GABRA2: variants seen among roughly 807,000 people sequenced by gnomAD.
The protein encoded by GABRA2 is gamma-aminobutyric acid type A receptor subunit alpha2.
A neutral mutation model predicts 48.7 loss-of-function variants in GABRA2; 16 were observed. That is an observed-to-expected ratio of 0.33 (90% CI 0.22 to 0.50). The LOEUF (loss-of-function observed/expected upper bound fraction) is 0.50. Among genes scored for constraint, GABRA2 ranks in the 20% least tolerant of loss-of-function variants. The pLI is 0.98. For synonymous variants in GABRA2, 185 were observed against 184.5 expected, an observed-to-expected ratio of 1.00 and a Z score of -0.02; for missense variants, 275 against 535.6, an observed-to-expected ratio of 0.51 and a Z score of 4.80.
intron 8 of GABRA2, among the ~76,000 whole-genome samples, chr4:46,270,827 T>C (rs1381386669): frequency 1.3e-5 from 2 of 151,740 alleles, no homozygotes; most frequent in Middle Eastern, 3.2e-3. Context: ...TGGGTAAAAA[T>C]ACACGCTGAG....
At chr4:46,333,218 TA>T (rs948229228) in intron 3 of GABRA2, among the ~76,000 whole-genome samples, 9 of 151,984 alleles carry the variant, frequency 5.9e-5, no homozygotes, top group African/African-American at 2.2e-4. Flanking sequence ...GACATAAAAA[TA>T]AAAAATAACA....
At chr4:46,266,419 TTGAG>T (rs1313539330) in intron 8 of GABRA2, among the ~76,000 whole-genome samples, 1 of 149,820 alleles carries the variant, frequency 6.7e-6, no homozygotes, top group Non-Finnish European at 1.5e-5. Flanking sequence ...TAATTCTTGG[TTGAG>T]TATTTTTCTT....
Position 46,310,177 on chromosome 4 carries a change from G to C in GABRA2, c.555C>G (p.Gly185=), listed in dbSNP as rs1578000907. Residue 185 remains glycine (G), a synonymous_variant, in exon 6 of 10, where the codon GGC becomes GGG. Transcript: ENST00000381620. ...MDAHSCPLKF[G]SYAYTTSEVT... ...TAACTTCATCCCTGTACTTACAGCT[G>C]CCAAATTTCAGAGGACATGAATGAG... 6.2e-7 allele frequency: 1 copy of C among 1,611,898 alleles called. No individual in the cohort carries two copies. Among genetic ancestry groups the C allele is most frequent in the East Asian group, 2.2e-5 (1 of 44,818 alleles).
chr4:46,334,397 A>G (rs1457386079), intron 3 of GABRA2, among the ~76,000 whole-genome samples: 2 of 152,158 alleles, frequency 1.3e-5, no homozygotes, highest in East Asian at 3.9e-4. Flanking sequence ...CAAATTAATC[A>G]CACTATTACA....
chr4:46,289,361 C>G (rs1039581239), intron 8 of GABRA2, among the ~76,000 whole-genome samples: 1 of 152,132 alleles, frequency 6.6e-6, no homozygotes, highest in African/African-American at 2.4e-5. Context: ...TGGAATACTA[C>G]GCAGCTATAA....
chr4:46,389,414 G>C (rs1174294143), intron 1 of GABRA2: 4 of 985,312 alleles, frequency 4.1e-6, no homozygotes, highest in South Asian at 9.4e-5. Context: ...CACAATAAGA[G>C]AAGGCGCGTG....
chr4:46,246,299 T>A lies in GABRA2; in HGVS notation c.*4009A>T, dbSNP rs1713703645. 2.0e-5 allele frequency among the ~76,000 whole-genome samples: 3 copies of A among 151,004 alleles called. No individual in the cohort carries two copies. The highest frequency in any genetic ancestry group is 6.6e-5 in the Admixed American group (1 of 15,080). On this transcript the variant is annotated 3_prime_UTR_variant, in exon 10 of 10. Transcript: ENST00000381620. The stretch of plus-strand genomic sequence containing the variant: ...AAAATATTAATATCTTTAATATAAA[T>A]TTTAACAGCAAAATATTATGGATAT...
chr4:46,253,245 C>T (rs904024059), intron 9 of GABRA2, among the ~76,000 whole-genome samples: 1 of 151,386 alleles, frequency 6.6e-6, no homozygotes, highest in African/African-American at 2.4e-5. Flanking sequence ...TTGCCCCTCA[C>T]TTGAATACCC....
At chr4:46,275,944 C>G (rs1179213663) in intron 8 of GABRA2, among the ~76,000 whole-genome samples, 1 of 151,926 alleles carries the variant, frequency 6.6e-6, no homozygotes, top group Non-Finnish European at 1.5e-5. Flanking sequence ...AAAATGCACT[C>G]AAAATTTGGC....
chr4:46,330,575 T>TAG (rs1453956131), intron 4 of GABRA2, among the ~76,000 whole-genome samples: 1 of 90,246 alleles, frequency 1.1e-5, no homozygotes, highest in Non-Finnish European at 2.5e-5. Context: ...TATATATATA[T>TAG]ATATATATAT....
chr4:46,336,101 G>T (rs1283223701), intron 3 of GABRA2, among the ~76,000 whole-genome samples: 2 of 152,116 alleles, frequency 1.3e-5, no homozygotes, highest in Non-Finnish European at 2.9e-5. Flanking sequence ...CACTATTTCT[G>T]TTCACTATTA....
intron 6 of GABRA2, among the ~76,000 whole-genome samples, chr4:46,309,167 G>T (rs1473048587): frequency 2.0e-5 from 3 of 152,106 alleles, no homozygotes; most frequent in East Asian, 3.9e-4. Context: ...GACACCTTTT[G>T]CAAGAACAAA....
At chr4:46,368,793 T>C (rs1714442886) in intron 3 of GABRA2, 2 of 419,612 alleles carry the variant, frequency 4.8e-6, no homozygotes, top group Non-Finnish European at 8.5e-6. Context: ...ATAATTGGAA[T>C]ATCTGGCAAC....
At chr4:46,260,534 A>G (rs930242406) in intron 9 of GABRA2, among the ~76,000 whole-genome samples, 1 of 151,892 alleles carries the variant, frequency 6.6e-6, no homozygotes, top group African/African-American at 2.4e-5. Flanking sequence ...ATAAATTTAT[A>G]TACGGGAATT....
At chr4:46,277,754 G>A (rs1720771659) in intron 8 of GABRA2, among the ~76,000 whole-genome samples, 1 of 152,150 alleles carries the variant, frequency 6.6e-6, no homozygotes, top group Non-Finnish European at 1.5e-5. Flanking sequence ...TGGTAATGTG[G>A]GCAACAGTGT....
At chr4:46,336,108 A>ATT (rs368581796) in intron 3 of GABRA2, among the ~76,000 whole-genome samples, 10 of 152,274 alleles carry the variant, frequency 6.6e-5, no homozygotes, top group African/African-American at 2.4e-4. Context: ...TCTGTTCACT[A>ATT]TTATGTCATG....
chr4:46,387,276 T>A (rs1717591353), intron 2 of GABRA2, among the ~76,000 whole-genome samples: 1 of 152,200 alleles, frequency 6.6e-6, no homozygotes, highest in African/African-American at 2.4e-5. Flanking sequence ...TGATAATGGA[T>A]TGTCCACTCT....
chr4:46,385,662 C>T (rs1010759274), intron 3 of GABRA2, among the ~76,000 whole-genome samples: 6 of 151,976 alleles, frequency 3.9e-5, no homozygotes, highest in Admixed American at 3.3e-4. Context: ...CCACTATATT[C>T]TTAAATTTTT....
At chr4:46,302,074 CTTT>C (rs58568555) in intron 8 of GABRA2, among the ~76,000 whole-genome samples, 1 of 145,284 alleles carries the variant, frequency 6.9e-6, no homozygotes. Context: ...TCATTTTATT[CTTT>C]TTTTTTTTTG....
Sources: gnomAD v4.1 joint callset for allele counts (sites outside exome capture counted in the v4.1 genomes callset) on GRCh38, gnomAD v4.1.1 for gene constraint, MANE v1.5 for transcripts, NCBI Gene and HGNC (gene_info 2026-07-23, HGNC 2026-07-21) for gene names.